HLCS: variants seen among roughly 807,000 people sequenced by gnomAD.
The protein encoded by HLCS is holocarboxylase synthetase, also known as biotin--protein ligase.
In HLCS, 53 loss-of-function variants were observed where a neutral mutation model predicts 75.0. The ratio of observed to expected loss-of-function variants is 0.71; its 90% CI spans 0.57 to 0.89. HLCS has a LOEUF of 0.89. Among genes scored for constraint, HLCS ranks in the 40% least tolerant of loss-of-function variants. The pLI is 0.00. For missense variants in HLCS, 966 were observed against 1,074.0 expected, an observed-to-expected ratio of 0.90 and a Z score of 1.41; for synonymous variants, 431 against 428.6, an observed-to-expected ratio of 1.01 and a Z score of -0.07.
At chr21:36,797,755 T>C (rs2061070206) in intron 6 of HLCS, among the ~76,000 whole-genome samples, 1 of 152,204 alleles carries the variant, frequency 6.6e-6, no homozygotes, top group African/African-American at 2.4e-5. Context: ...GGTTTGCAAC[T>C]TGGTGGGCAC....
At chr21:36,930,831 A>G (rs548239053) in intron 4 of HLCS, among the ~76,000 whole-genome samples, 1 of 152,346 alleles carries the variant, frequency 6.6e-6, no homozygotes, top group East Asian at 1.9e-4. Flanking sequence ...CATGGCCAAC[A>G]AAAGAACGAT....
intron 4 of HLCS, among the ~76,000 whole-genome samples, chr21:36,933,992 G>A (rs146043024): frequency 2.0e-5 from 3 of 152,078 alleles, no homozygotes; most frequent in African/African-American, 7.2e-5. Flanking sequence ...ACTGTCTTAG[G>A]GTTTCAAGAT....
chr21:36,913,250 A>G (rs1022621025), intron 5 of HLCS, among the ~76,000 whole-genome samples: 4 of 152,158 alleles, frequency 2.6e-5, no homozygotes, highest in Non-Finnish European at 5.9e-5. Flanking sequence ...TCTAATTCCT[A>G]TCCCACGGTC....
At chr21:36,785,726 G>A (rs2060667108) in intron 6 of HLCS, among the ~76,000 whole-genome samples, 1 of 152,190 alleles carries the variant, frequency 6.6e-6, no homozygotes, top group African/African-American at 2.4e-5. Context: ...TATTATAGAA[G>A]TGGAGGCAGT....
At position 36,962,130 on chromosome 21, in the gene HLCS, G is replaced by T; in HGVS notation, c.236C>A (p.Ser79Tyr). Residue 79 changes from serine (S) to tyrosine (Y), a missense_variant, in exon 2 of 11, where the codon TCT becomes TAT. By Grantham distance (144) the Ser-to-Tyr change is moderately radical. Transcript: ENST00000674895. ...DLNKWALFLV[S>Y]PFILEAEHIA... Reference sequence around the variant, plus strand: ...GTGTTCTGCTTCAAGTATAAAAGGAGACACAAGAAATAGGGCCCACTTGTT... The same window carrying T: ...GTGTTCTGCTTCAAGTATAAAAGGATACACAAGAAATAGGGCCCACTTGTT... The T allele has an allele frequency of 6.2e-6, 8 of 1,288,564 alleles. No individual in the cohort carries two copies. The highest frequency in any genetic ancestry group is 7.1e-6 in the Non-Finnish European group (7 of 987,854). 79.8% of individuals were successfully genotyped at this position (1,288,564 alleles called of 1,614,324 possible).
chr21:36,947,764 A>G, intron 2 of HLCS: 1 of 985,476 alleles, frequency 1.0e-6, no homozygotes. Context: ...CCCCAGGTTA[A>G]ACTAGCACAG....
At chr21:36,821,300 T>C (rs886316459) in intron 6 of HLCS, among the ~76,000 whole-genome samples, 1 of 152,270 alleles carries the variant, frequency 6.6e-6, no homozygotes, top group Non-Finnish European at 1.5e-5. Context: ...TTCCCCTCTG[T>C]TTTTTGTGTA....
rs148836171 is a variant in HLCS, at chr21:36,923,524, C to T, written c.1620+6727G>A. On this transcript the variant is annotated intron_variant, in intron 5 of 10. Coordinates refer to ENST00000674895, the MANE Select transcript of HLCS (RefSeq NM_001352514.2). The stretch of plus-strand genomic sequence containing the variant: ...CCAGGCCAGACAGCAAAGACCGCAA[C>T]GCACAGAAGCCAGAATCATCACAAA... Among the ~76,000 whole-genome samples, 597 of 152,294 alleles carry T rather than the reference C, an allele frequency of 3.9e-3. 4 individuals carry two copies. Among genetic ancestry groups the T allele is most frequent in the Non-Finnish European group, 7.1e-3 (484 of 68,030 alleles).
rs886738924 is a variant in HLCS, at chr21:36,751,090, T to C, written c.*3156A>G. On this transcript the variant is annotated 3_prime_UTR_variant, in exon 11 of 11. Coordinates refer to ENST00000674895, the MANE Select transcript of HLCS (RefSeq NM_001352514.2). ...ATTCCTTACTATGTAAAACACTTTA[T>C]TTATTTTGTAAAAATGTTTAAATAT... The C allele has an allele frequency of 1.6e-4, 21 of 130,220 alleles. No homozygotes were observed. Among genetic ancestry groups the C allele is most frequent in the Non-Finnish European group, 3.2e-4 (18 of 57,018 alleles). 8.1% of individuals were successfully genotyped at this position (130,220 alleles called of 1,614,324 possible).
intron 2 of HLCS, chr21:36,943,139 G>C (rs1326476462): frequency 6.6e-6 from 1 of 152,128 alleles, no homozygotes; most frequent in East Asian, 1.9e-4. Context: ...AGGTGCTGCA[G>C]CTGCCTTGGA....
intron 6 of HLCS, among the ~76,000 whole-genome samples, chr21:36,784,685 C>A (rs115593871): frequency 0.045 from 6,891 of 152,186 alleles, 224 homozygotes; most frequent in Non-Finnish European, 0.071. Context: ...CTAGAAAGAT[C>A]TGGAAATTGA....
intron 6 of HLCS, among the ~76,000 whole-genome samples, chr21:36,779,602 C>T (rs185466656): frequency 1.3e-5 from 2 of 152,254 alleles, no homozygotes; most frequent in Admixed American, 6.5e-5. Flanking sequence ...CATATTACTG[C>T]GAAATCACAC....
chr21:36,885,766 A>G (rs1334115006), intron 6 of HLCS, among the ~76,000 whole-genome samples: 1 of 152,108 alleles, frequency 6.6e-6, no homozygotes, highest in Non-Finnish European at 1.5e-5. Context: ...TCTATTCCCC[A>G]TGGGTCCCAG....
At chr21:36,871,045 G>A (rs1486107034) in intron 6 of HLCS, among the ~76,000 whole-genome samples, 1 of 152,102 alleles carries the variant, frequency 6.6e-6, no homozygotes, top group Non-Finnish European at 1.5e-5. Flanking sequence ...TTTAACACGA[G>A]GTAGAACATT....
intron 6 of HLCS, among the ~76,000 whole-genome samples, chr21:36,838,330 C>CACACACACACACACA (rs1480562550): frequency 7.2e-6 from 1 of 138,472 alleles, no homozygotes. Flanking sequence ...ACACACACAC[C>CACACACACACACACA]CCCACAACCA....
chr21:36,764,237 C>A (rs538233579), intron 8 of HLCS, among the ~76,000 whole-genome samples: 1 of 152,184 alleles, frequency 6.6e-6, no homozygotes, highest in Admixed American at 6.5e-5. Context: ...TCTCTACTAA[C>A]AACACAAAAA....
At chr21:36,872,353 T>C (rs1192913401) in intron 6 of HLCS, among the ~76,000 whole-genome samples, 1 of 148,964 alleles carries the variant, frequency 6.7e-6, no homozygotes, top group Non-Finnish European at 1.5e-5. Flanking sequence ...ATCGCACCAG[T>C]GCACTCCAGC....
chr21:36,758,051 G>A (rs920875971), intron 9 of HLCS, among the ~76,000 whole-genome samples: 3 of 152,100 alleles, frequency 2.0e-5, no homozygotes, highest in Admixed American at 1.3e-4. Flanking sequence ...TTCAATAAAA[G>A]CTATGGGTTC....
chr21:36,782,807 AAAAATACTACT>A (rs148378084), intron 6 of HLCS, among the ~76,000 whole-genome samples: 29,807 of 151,558 alleles, frequency 0.2, 3,548 homozygotes, highest in Middle Eastern at 0.3. Flanking sequence ...CATCTCTACT[AAAAATACTACT>A]AAAATACTAC....
Sources: gnomAD v4.1 joint callset for allele counts (sites outside exome capture counted in the v4.1 genomes callset) on GRCh38, gnomAD v4.1.1 for gene constraint, MANE v1.5 for transcripts, NCBI Gene and HGNC (gene_info 2026-07-23, HGNC 2026-07-21) for gene names.